Variants in ANK3 observed in about 807,000 individuals in gnomAD.
The protein encoded by ANK3 is ankyrin 3.
In ANK3, 57 loss-of-function variants were observed where a neutral mutation model predicts 370.9. The observed-to-expected ratio is 0.15, with a 90% CI of 0.12 to 0.19. ANK3 has a LOEUF of 0.19. Among genes scored for constraint, ANK3 ranks in the 10% least tolerant of loss-of-function variants. ANK3 has a pLI of 1.00. For synonymous variants in ANK3, 1,929 were observed against 1,946.3 expected (o/e 0.99, Z 0.23); for missense variants, 4,439 against 5,302.1 (o/e 0.84, Z 5.06).
At chr10:60,192,383 T>G (rs2096500520) in intron 16 of ANK3, among the ~76,000 whole-genome samples, 1 of 150,740 alleles carries the variant, frequency 6.6e-6, no homozygotes, top group African/African-American at 2.4e-5. Context: ...TATAAAGTCT[T>G]GTTTGACAAA....
chr10:60,220,967 C>T (rs2097042883), intron 8 of ANK3, among the ~76,000 whole-genome samples: 1 of 152,166 alleles, frequency 6.6e-6, no homozygotes, highest in South Asian at 2.1e-4. Flanking sequence ...AAGCAAAATG[C>T]TACATACTGA....
chr10:60,298,427 C>A (rs1020600401), intron 1 of ANK3, among the ~76,000 whole-genome samples: 1 of 152,174 alleles, frequency 6.6e-6, no homozygotes, highest in Non-Finnish European at 1.5e-5. Context: ...AGTGTTCAGT[C>A]TTCCATTCAA....
At chr10:60,658,907 GAAAGA>G (rs1341593568) in intron 1 of ANK3, among the ~76,000 whole-genome samples, 68 of 74,234 alleles carry the variant, frequency 9.2e-4, no homozygotes, top group African/African-American at 2.7e-3. Context: ...AAAAGGAAAG[GAAAGA>G]AAAGGAAAGG....
rs188159332 is a variant in ANK3 at position 60,075,974 on chromosome 10, C to T, written c.4907G>A (p.Arg1636Lys). Residue 1636 changes from arginine (R) to lysine (K), a missense_variant, in exon 37 of 44, where the codon AGG becomes AAG. Transcript: ENST00000280772. ...AGGGGGTGTCATAGTAATTGATGAC[C>T]TCTCCAAAAGAGACCCTGCTGTAGT... ...PVTTAGSLLERSSITMTPPAS... is the reference protein window; with the variant it reads ...PVTTAGSLLEKSSITMTPPAS... 1.8e-4 allele frequency: 289 copies of T among 1,614,102 alleles called. 1 individual carries two copies. In the East Asian group the frequency reaches 5.4e-3, roughly 30 times the overall value.
intron 42 of ANK3, chr10:60,051,490 C>A (rs1167685423): frequency 1.0e-6 from 1 of 985,554 alleles, no homozygotes; most frequent in Non-Finnish European, 1.2e-6. Context: ...TAATCAAACG[C>A]CGGCGAATAA....
chr10:60,280,437 A>G (rs1237280014), intron 1 of ANK3, among the ~76,000 whole-genome samples: 1 of 152,206 alleles, frequency 6.6e-6, no homozygotes, highest in Non-Finnish European at 1.5e-5. Context: ...ACATAGCCAT[A>G]TGTAGGAGCA....
intron 16 of ANK3, among the ~76,000 whole-genome samples, chr10:60,190,537 A>G (rs999036336): frequency 1.3e-5 from 2 of 152,256 alleles, no homozygotes; most frequent in East Asian, 3.9e-4. Context: ...TTGCACATAG[A>G]AGTGGCCAGT....
At position 60,071,374 on chromosome 10, in the gene ANK3, T is replaced by C. The variant is rs776217544; in HGVS notation, c.9507A>G (p.Pro3169=). 6.2e-7 allele frequency: 1 copy of C among 1,614,004 alleles called. No homozygotes were observed. Among genetic ancestry groups the C allele is most frequent in the African/African-American group, 1.3e-5 (1 of 74,920 alleles). ...TCACTTCCTCTGAACTGGGTGTTTC[T>C]GGGGTTAAAGGGCTTTTCCCAGAGC... ...LDSSGKSPLT[P]ETPSSEEVSY... is the part of the protein sequence containing the mutation. Residue 3169 remains proline (P), a synonymous_variant, in exon 37 of 44, where the codon CCA becomes CCG. Coordinates refer to ENST00000280772, the MANE Select transcript of ANK3 (RefSeq NM_020987.5).
Position 60,055,744 on chromosome 10 carries a change from T to G in ANK3, c.12979A>C (p.Lys4327Gln). The change falls in exon 42 of 44, where the codon AAA becomes CAA. Residue 4327 changes from lysine to glutamine, a missense_variant. Lys to Gln is a moderately conservative substitution (Grantham distance 53). Coordinates refer to ENST00000280772, the MANE Select transcript of ANK3 (RefSeq NM_020987.5). ...GCTGGAGAAGTCCTACTCATCTTTTTCATACTGACAGGCACACAGGGTTTA... is the reference window on the plus strand; with the variant it reads ...GCTGGAGAAGTCCTACTCATCTTTTGCATACTGACAGGCACACAGGGTTTA... The part of the protein sequence containing the change: ...ETKPCVPVSM[K>Q]KMSRTSPADG... The G allele has an allele frequency of 6.2e-7, 1 of 1,614,212 alleles. No homozygotes were observed.
At chr10:60,271,812 A>C (rs1019047025) in intron 4 of ANK3, among the ~76,000 whole-genome samples, 1 of 151,736 alleles carries the variant, frequency 6.6e-6, no homozygotes, top group African/African-American at 2.4e-5. Flanking sequence ...GCGATGCCAC[A>C]TAACAAATCC....
At position 60,229,509 on chromosome 10, in the gene ANK3, A is replaced by G. The variant is rs146539952; in HGVS notation, c.897+5179T>C. On this transcript the variant is annotated intron_variant, in intron 8 of 43. Coordinates refer to ENST00000280772, the MANE Select transcript of ANK3 (RefSeq NM_020987.5). The stretch of plus-strand genomic sequence containing the variant: ...TTTTTCTTAGTATTTAACCTGAGAA[A>G]CAGAATCAGTTACATTTCTGGGAAA... Among the ~76,000 whole-genome samples, 123 of 152,334 alleles carry G rather than the reference A, an allele frequency of 8.1e-4. 1 individual carries two copies. Among genetic ancestry groups the G allele is most frequent in the African/African-American group, 2.9e-3 (121 of 41,576 alleles).
chr10:60,057,750 G>A (rs888072564), intron 41 of ANK3, among the ~76,000 whole-genome samples: 1 of 152,138 alleles, frequency 6.6e-6, no homozygotes, highest in South Asian at 2.1e-4. Context: ...GAATTTCAGC[G>A]GTTTAATAAT....
At chr10:60,451,500 A>G (rs192930542) in intron 2 of ANK3, among the ~76,000 whole-genome samples, 1 of 152,296 alleles carries the variant, frequency 6.6e-6, no homozygotes, top group Non-Finnish European at 1.5e-5. Context: ...CTTTTGAAGA[A>G]CACATGGGGA....
intron 2 of ANK3, among the ~76,000 whole-genome samples, chr10:60,552,937 T>G (rs2077121803): frequency 6.6e-6 from 1 of 152,206 alleles, no homozygotes; most frequent in Non-Finnish European, 1.5e-5. Flanking sequence ...TCTCTTTGCC[T>G]GCTGCCATCC....
intron 1 of ANK3, among the ~76,000 whole-genome samples, chr10:60,673,799 C>T (rs1343605873): frequency 6.6e-6 from 1 of 152,246 alleles, no homozygotes; most frequent in Non-Finnish European, 1.5e-5. Context: ...TTACCCTCCT[C>T]TCTCTTCCCC....
chr10:60,327,788 A>C (rs181116663), intron 1 of ANK3, among the ~76,000 whole-genome samples: 12 of 152,318 alleles, frequency 7.9e-5, no homozygotes, highest in Admixed American at 3.3e-4. Flanking sequence ...CAGATTTAAA[A>C]AATGCCAGTT....
intron 7 of ANK3, among the ~76,000 whole-genome samples, chr10:60,240,058 CATATATACAT>C (rs1386271507): frequency 3.0e-5 from 2 of 66,416 alleles, no homozygotes; most frequent in East Asian, 7.9e-4. Flanking sequence ...CATATATACA[CATATATACAT>C]ATATATACAT....
intron 1 of ANK3, among the ~76,000 whole-genome samples, chr10:60,380,991 AC>A (rs1341528415): frequency 2.0e-5 from 3 of 152,192 alleles, no homozygotes; most frequent in Non-Finnish European, 4.4e-5. Context: ...AGGTTCAGAA[AC>A]CAGGTACAAC....
intron 2 of ANK3, among the ~76,000 whole-genome samples, chr10:60,612,392 G>A (rs1015296154): frequency 1.3e-5 from 2 of 152,170 alleles, no homozygotes; most frequent in Non-Finnish European, 2.9e-5. Context: ...TACCAAAAAT[G>A]TAAAATAGAA....
Sources: allele counts gnomAD v4.1 joint callset (sites outside exome capture counted in the v4.1 genomes callset), GRCh38; gene constraint gnomAD v4.1.1; transcripts MANE v1.5; gene names NCBI Gene and HGNC (gene_info 2026-07-23, HGNC 2026-07-21).